Variants in MACROD1 observed in about 807,000 individuals in gnomAD.
The protein encoded by MACROD1 is mono-ADP ribosylhydrolase 1.
In MACROD1, 31 loss-of-function variants were observed where a neutral mutation model predicts 41.4. The ratio of observed to expected loss-of-function variants is 0.75; its 90% CI spans 0.56 to 1.01. The LOEUF (loss-of-function observed/expected upper bound fraction) is 1.01, where lower values mean the gene tolerates loss of function less well. Among genes scored for constraint, MACROD1 ranks in the 50% least tolerant of loss-of-function variants. MACROD1 has a pLI of 0.00. For missense variants in MACROD1, 473 were observed against 460.0 expected (o/e 1.03, Z -0.26); for synonymous variants, 252 against 203.4 (o/e 1.24, Z -2.03).
At chr11:64,124,412 T>C (rs568430440) in intron 3 of MACROD1, among the ~76,000 whole-genome samples, 1 of 152,360 alleles carries the variant, frequency 6.6e-6, no homozygotes, top group South Asian at 2.1e-4. Context: ...CACTTTTCAC[T>C]CTGTGGTTTT....
intron 3 of MACROD1, among the ~76,000 whole-genome samples, chr11:64,100,017 T>C (rs1444552872): frequency 6.6e-6 from 1 of 152,166 alleles, no homozygotes; most frequent in East Asian, 1.9e-4. Flanking sequence ...CTTGGAGTAG[T>C]GCAGCAAGAA....
chr11:64,144,088 C>G (rs1456057146), intron 3 of MACROD1, among the ~76,000 whole-genome samples: 1 of 151,654 alleles, frequency 6.6e-6, no homozygotes, highest in Non-Finnish European at 1.5e-5. Context: ...ACCAAGCCCC[C>G]CCAACTCAGG....
intron 3 of MACROD1, among the ~76,000 whole-genome samples, chr11:64,110,645 C>T (rs1944844984): frequency 6.6e-6 from 1 of 152,060 alleles, no homozygotes; most frequent in South Asian, 2.1e-4. Context: ...CCCACTGCTC[C>T]CTTCGCCCAC....
intron 3 of MACROD1, among the ~76,000 whole-genome samples, chr11:64,079,181 G>A (rs902261441): frequency 4.6e-5 from 7 of 152,166 alleles, no homozygotes; most frequent in African/African-American, 1.7e-4. Flanking sequence ...GCTGACGACT[G>A]TGTGTGGGAT....
At chr11:64,095,334 T>C (rs1333383688) in intron 3 of MACROD1, among the ~76,000 whole-genome samples, 1 of 152,238 alleles carries the variant, frequency 6.6e-6, no homozygotes, top group Non-Finnish European at 1.5e-5. Context: ...AATAGCTTCC[T>C]GAGCCACTCG....
chr11:64,057,600 G>C (rs920442845), intron 3 of MACROD1, among the ~76,000 whole-genome samples: 3 of 152,094 alleles, frequency 2.0e-5, no homozygotes, highest in African/African-American at 7.2e-5. Context: ...GTCACTGCCC[G>C]AGCAGGACCT....
At chr11:64,141,918 G>GA (rs1945419490) in intron 3 of MACROD1, among the ~76,000 whole-genome samples, 1 of 152,158 alleles carries the variant, frequency 6.6e-6, no homozygotes, top group Admixed American at 6.5e-5. Context: ...GTGTGACCCT[G>GA]AACAGGTCAC....
At chr11:64,012,324 C>T (rs1943027047) in intron 4 of MACROD1, among the ~76,000 whole-genome samples, 1 of 152,244 alleles carries the variant, frequency 6.6e-6, no homozygotes, top group South Asian at 2.1e-4. Flanking sequence ...CTTTGGTTTC[C>T]ACCAGCTGCC....
chr11:64,101,313 T>C (rs1391285478), intron 3 of MACROD1, among the ~76,000 whole-genome samples: 1 of 152,128 alleles, frequency 6.6e-6, no homozygotes, highest in Admixed American at 6.5e-5. Context: ...CTGAGAGCTA[T>C]GGGACGCTCT....
intron 3 of MACROD1, among the ~76,000 whole-genome samples, chr11:64,020,442 T>G (rs1164357587): frequency 3.3e-5 from 5 of 152,044 alleles, no homozygotes; most frequent in Non-Finnish European, 2.9e-5. Flanking sequence ...TAGTGAGAAA[T>G]GAGAAATCCC....
intron 3 of MACROD1, among the ~76,000 whole-genome samples, chr11:64,150,442 C>T (rs1945558214): frequency 6.6e-6 from 1 of 152,168 alleles, no homozygotes. Context: ...GGACCTGCCC[C>T]CCATATTCAG....
chr11:64,058,481 T>G (rs547120110), intron 3 of MACROD1, among the ~76,000 whole-genome samples: 34 of 152,326 alleles, frequency 2.2e-4, no homozygotes, highest in African/African-American at 7.9e-4. Context: ...GAAGAGCAGG[T>G]CAGGCCTTTT....
intron 3 of MACROD1, among the ~76,000 whole-genome samples, chr11:64,056,705 G>A (rs1943792836): frequency 1.3e-5 from 2 of 152,212 alleles, no homozygotes; most frequent in Admixed American, 1.3e-4. Flanking sequence ...GCACTCATAG[G>A]GGACAGCAGA....
chr11:64,036,882 C>T lies in MACROD1; in HGVS notation c.518-21601G>A, dbSNP rs1943392283. ...CGGCGCACGCCCCTCCTCGCGGGCACTGGAGACCCCGGGGAGGAAGGCTGG... is the reference window on the plus strand; with the variant it reads ...CGGCGCACGCCCCTCCTCGCGGGCATTGGAGACCCCGGGGAGGAAGGCTGG... On this transcript the variant is annotated intron_variant, in intron 3 of 10. Transcript: ENST00000255681. This position sits in a 1 kb window ranked among gnomAD's most constrained non-coding sequence, Gnocchi z 5.6. Among the ~76,000 whole-genome samples the T allele has an allele frequency of 2.0e-5, 3 of 152,190 alleles. No homozygotes were observed. The South Asian group carries it at 6.2e-4, about 31-fold the overall frequency.
intron 3 of MACROD1, among the ~76,000 whole-genome samples, chr11:64,030,837 G>T (rs555530542): frequency 6.6e-6 from 1 of 151,752 alleles, no homozygotes; most frequent in Non-Finnish European, 1.5e-5. Flanking sequence ...CATCGCTTGA[G>T]CTCAGGAGTT....
intron 3 of MACROD1, among the ~76,000 whole-genome samples, chr11:64,077,721 G>C (rs1167588428): frequency 1.3e-5 from 2 of 152,212 alleles, no homozygotes; most frequent in African/African-American, 4.8e-5. Context: ...ACAGGTCTCA[G>C]GGGGTCACTA....
intron 4 of MACROD1, among the ~76,000 whole-genome samples, chr11:64,007,679 G>A (rs988649086): frequency 2.6e-5 from 4 of 152,144 alleles, no homozygotes; most frequent in African/African-American, 7.2e-5. Context: ...TTCTGGACAC[G>A]CCCTTCCCTT....
At chr11:64,150,395 G>A (rs1449500855) in intron 3 of MACROD1, among the ~76,000 whole-genome samples, 1 of 152,238 alleles carries the variant, frequency 6.6e-6, no homozygotes, top group East Asian at 1.9e-4. Context: ...GGCTGGCACA[G>A]CAGGGTTTTC....
rs1336586552 is a variant in MACROD1, at chr11:64,096,265, C to T, written c.517+54974G>A. Among the ~76,000 whole-genome samples the T allele has an allele frequency of 6.6e-6, 1 of 152,214 alleles. No individual in the cohort carries two copies. Among genetic ancestry groups the T allele is most frequent in the Non-Finnish European group, 1.5e-5 (1 of 68,040 alleles). On this transcript the variant is annotated intron_variant, in intron 3 of 10. Transcript: ENST00000255681. The surrounding 1 kb of genome is among the most constrained non-coding windows in gnomAD (Gnocchi z 4.6). ...CTGCCGACAAAAGCAGGCCAATTTC[C>T]TGAAAGAAGAGGTTCCGGCCTTGGC...
Sources: allele counts gnomAD v4.1 joint callset (sites outside exome capture counted in the v4.1 genomes callset), GRCh38; gene constraint gnomAD v4.1.1; non-coding constraint Gnocchi (gnomAD v3.1); transcripts MANE v1.5; gene names NCBI Gene and HGNC (gene_info 2026-07-23, HGNC 2026-07-21).